Variants in SATB1 observed in about 807,000 individuals in gnomAD.
SATB1 encodes DNA-binding protein SATB1.
Under a neutral mutation model 86.9 loss-of-function variants are expected in SATB1, and 11 were observed. That is an observed-to-expected ratio of 0.13 (90% CI 0.08 to 0.21). The LOEUF is 0.21. Among genes scored for constraint, SATB1 ranks in the 10% least tolerant of loss-of-function variants. The probability of loss-of-function intolerance (pLI) is 1.00; values close to 1 mark genes in which losing one functional copy is unlikely to be tolerated. For missense variants in SATB1, 551 were observed against 937.6 expected, an observed-to-expected ratio of 0.59 and a Z score of 5.39; for synonymous variants, 357 against 357.2, an observed-to-expected ratio of 1.00 and a Z score of 0.01.
intron 6 of SATB1, among the ~76,000 whole-genome samples, chr3:18,396,147 T>G (rs1696953913): frequency 6.6e-6 from 1 of 152,194 alleles, no homozygotes; most frequent in Admixed American, 6.5e-5. Flanking sequence ...TTCAAGCAAT[T>G]ATTCCAAAAA....
At chr3:18,374,205 C>T (rs1169603676) in intron 9 of SATB1, among the ~76,000 whole-genome samples, 3 of 152,158 alleles carry the variant, frequency 2.0e-5, no homozygotes, top group Non-Finnish European at 4.4e-5. Context: ...AGTCTCAGAG[C>T]TCTCGAGGGG....
At chr3:18,430,292 A>G (rs1253540243), upstream of SATB1, among the ~76,000 whole-genome samples, 1 of 152,216 alleles carries the variant, frequency 6.6e-6, no homozygotes, top group African/African-American at 2.4e-5. Flanking sequence ...TTCCAATGAC[A>G]TCTGAGTCAA....
chr3:18,416,848 A>ATTACC, intron 3 of SATB1, 54 bp downstream of exon 3: 1 of 1,464,060 alleles, frequency 6.8e-7, no homozygotes, highest in Non-Finnish European at 9.3e-7. Flanking sequence ...TTTCTCTGCA[A>ATTACC]GGTAAACAAA....
chr3:18,354,799 A>G (rs142728502), intron 9 of SATB1, among the ~76,000 whole-genome samples: 95 of 152,220 alleles, frequency 6.2e-4, no homozygotes, highest in African/African-American at 2.1e-3. Flanking sequence ...GCTAATTCCT[A>G]AACAATCACA....
chr3:18,443,556 T>C (rs139240192), upstream of SATB1, among the ~76,000 whole-genome samples: 54 of 152,318 alleles, frequency 3.5e-4, no homozygotes, highest in African/African-American at 1.3e-3. The surrounding 1 kb of genome is among the most constrained non-coding windows in gnomAD (Gnocchi z 4.4). Context: ...AGGCCAAAAC[T>C]TTCAAGGAGA....
chr3:18,442,599 G>A (rs1003909258), upstream of SATB1, among the ~76,000 whole-genome samples: 2 of 152,138 alleles, frequency 1.3e-5, no homozygotes, highest in African/African-American at 4.8e-5. Flanking sequence ...ATTTAATAAT[G>A]TGCTTAACCA....
chr3:18,364,463 GA>G (rs1248193662), intron 9 of SATB1, among the ~76,000 whole-genome samples: 4 of 151,782 alleles, frequency 2.6e-5, no homozygotes, highest in African/African-American at 9.7e-5. Context: ...AATATTTTGT[GA>G]TTTTTTTTTA....
Position 18,394,776 on chromosome 3 carries a change from T to C in SATB1, c.892A>G (p.Thr298Ala). ...LSHGSQPSVR[T>A]PLPNLHPGLV... ...CCAGGGTGCAGGTTTGGAAGAGGTG[T>C]CCGGACAGAGGGCTGGCTGCCATGG... The change falls in exon 7 of 11, where the codon ACA becomes GCA. Residue 298 changes from threonine (T) to alanine (A), a missense_variant. By Grantham distance (58) the Thr-to-Ala change is moderately conservative. Coordinates refer to ENST00000338745, the MANE Select transcript of SATB1 (RefSeq NM_002971.6). This position sits in a 1 kb window ranked among gnomAD's most constrained non-coding sequence, Gnocchi z 5.9. 3.7e-6 allele frequency: 6 copies of C among 1,614,024 alleles called. No homozygotes were observed. The highest frequency in any genetic ancestry group is 5.1e-6 in the Non-Finnish European group (6 of 1,179,996).
intron 7 of SATB1, among the ~76,000 whole-genome samples, chr3:18,392,142 A>G (rs1419799377): frequency 6.6e-6 from 1 of 152,194 alleles, no homozygotes; most frequent in Non-Finnish European, 1.5e-5. Context: ...TATTATTAAT[A>G]AGGAGGTATC....
At position 18,423,756 on chromosome 3, in the gene SATB1, T is replaced by C. The variant is rs377729770; in HGVS notation, c.-154A>G. 8.9e-6 allele frequency: 1 copy of C among 112,038 alleles called. No homozygotes were observed. The highest frequency in any genetic ancestry group is 1.9e-5 in the Non-Finnish European group (1 of 52,952). 6.9% of individuals were successfully genotyped at this position (112,038 alleles called of 1,614,324 possible). A position where few individuals can be genotyped will look rare whatever the true frequency, so the allele number is the denominator to read the frequency against. ...TTTTTTTTAATTAAAAAAAAAAAAA[T>C]AAAAAAGCAGCAGACCTGAAGGCGA... On this transcript the variant is annotated 5_prime_UTR_variant, in exon 1 of 11. Coordinates refer to ENST00000338745, the MANE Select transcript of SATB1 (RefSeq NM_002971.6).
intron 9 of SATB1, among the ~76,000 whole-genome samples, chr3:18,360,999 A>G (rs951486215): frequency 2.0e-5 from 3 of 152,230 alleles, no homozygotes; most frequent in African/African-American, 4.8e-5. Context: ...AAAGGGGACA[A>G]TATTTAAAAC....
At chr3:18,366,113 C>CA (rs896829654) in intron 9 of SATB1, among the ~76,000 whole-genome samples, 3 of 152,178 alleles carry the variant, frequency 2.0e-5, no homozygotes, top group Admixed American at 6.5e-5. Context: ...ACACCCATGA[C>CA]AAGCAGCACT....
intron 5 of SATB1, chr3:18,411,196 T>C (rs1255637102): frequency 3.1e-6 from 1 of 323,248 alleles, no homozygotes; most frequent in Non-Finnish European, 5.5e-6. Context: ...GGCTTAAAGA[T>C]ATCTTTTCCA....
chr3:18,416,480 T>C (rs1282116926), intron 3 of SATB1, among the ~76,000 whole-genome samples: 5 of 152,110 alleles, frequency 3.3e-5, no homozygotes, highest in Non-Finnish European at 5.9e-5. Flanking sequence ...AGATTCTCTA[T>C]TGCAGTGGGA....
At chr3:18,407,047 T>C (rs950548218) in intron 5 of SATB1, among the ~76,000 whole-genome samples, 51 of 152,048 alleles carry the variant, frequency 3.4e-4, no homozygotes, top group Admixed American at 1.2e-3. Context: ...CAGAACAATG[T>C]GGCAAATGCT....
At chr3:18,439,345 T>C (rs1315438641), upstream of SATB1, among the ~76,000 whole-genome samples, 1 of 152,176 alleles carries the variant, frequency 6.6e-6, no homozygotes, top group Non-Finnish European at 1.5e-5. Context: ...GGCCAATATG[T>C]TGAAGAAATG....
At chr3:18,388,839 C>T (rs931760074) in intron 7 of SATB1, among the ~76,000 whole-genome samples, 2 of 152,044 alleles carry the variant, frequency 1.3e-5, no homozygotes, top group African/African-American at 4.8e-5. Flanking sequence ...ATTTAAAAAT[C>T]CCAAATAACA....
intron 8 of SATB1, among the ~76,000 whole-genome samples, chr3:18,383,110 G>A (rs1696144606): frequency 1.3e-5 from 2 of 152,168 alleles, no homozygotes; most frequent in South Asian, 4.1e-4. Flanking sequence ...GCAGCAACCA[G>A]GTCTGGCCCA....
chr3:18,381,069 CG>C (rs1199936411), intron 8 of SATB1, among the ~76,000 whole-genome samples: 10 of 152,148 alleles, frequency 6.6e-5, no homozygotes, highest in African/African-American at 9.7e-5. Flanking sequence ...AAGGCGGCGC[CG>C]GGGAAGTAGT....
Sources: allele counts gnomAD v4.1 joint callset (sites outside exome capture counted in the v4.1 genomes callset), GRCh38; gene constraint gnomAD v4.1.1; non-coding constraint Gnocchi (gnomAD v3.1); transcripts MANE v1.5; gene names NCBI Gene and HGNC (gene_info 2026-07-23, HGNC 2026-07-21).